Variants in RAPGEF1 observed in about 807,000 individuals in gnomAD.
The protein encoded by RAPGEF1 is CRK SH3-binding GNRP.
A neutral mutation model predicts 143.3 loss-of-function variants in RAPGEF1; 33 were observed. The ratio of observed to expected loss-of-function variants is 0.23; its 90% CI spans 0.17 to 0.31. The LOEUF is 0.31. RAPGEF1 is among the 10% of genes least tolerant of loss of function. RAPGEF1 has a pLI of 1.00. For synonymous variants in RAPGEF1, 629 were observed against 676.5 expected (o/e 0.93, Z 1.09); for missense variants, 1,199 against 1,645.4 (o/e 0.73, Z 4.69).
intron 1 of RAPGEF1, among the ~76,000 whole-genome samples, chr9:131,698,861 C>A (rs946218214): frequency 1.3e-5 from 2 of 152,208 alleles, no homozygotes; most frequent in Non-Finnish European, 2.9e-5. Context: ...AGCAGCCCAG[C>A]CTGAACTGCC....
intron 1 of RAPGEF1, among the ~76,000 whole-genome samples, chr9:131,701,998 C>T (rs17148209): frequency 0.056 from 8,505 of 152,158 alleles, 703 homozygotes; most frequent in African/African-American, 0.18. Flanking sequence ...TGGCCTTGTC[C>T]GTTCTATTCA....
chr9:131,720,463 C>A (rs1305522794), intron 1 of RAPGEF1, among the ~76,000 whole-genome samples: 1 of 152,204 alleles, frequency 6.6e-6, no homozygotes, highest in Non-Finnish European at 1.5e-5. Context: ...TAGAGATGCT[C>A]ATTCTCAGCC....
chr9:131,645,862 C>T (rs1358225449), intron 3 of RAPGEF1, among the ~76,000 whole-genome samples: 2 of 152,178 alleles, frequency 1.3e-5, no homozygotes, highest in African/African-American at 4.8e-5. Flanking sequence ...GAGACAAAGC[C>T]AACTGCTGGG....
intron 1 of RAPGEF1, among the ~76,000 whole-genome samples, chr9:131,652,003 A>G (rs1481990838): frequency 2.6e-5 from 4 of 152,198 alleles, no homozygotes; most frequent in Admixed American, 2.6e-4. Flanking sequence ...AATGGTATAA[A>G]AGATTAAAAA....
At chr9:131,665,072 T>C (rs904606736) in intron 1 of RAPGEF1, among the ~76,000 whole-genome samples, 2 of 152,146 alleles carry the variant, frequency 1.3e-5, no homozygotes, top group African/African-American at 4.8e-5. Flanking sequence ...ATACACAGTA[T>C]AGGAAGCTAG....
At chr9:131,673,371 C>A (rs1009954163) in intron 1 of RAPGEF1, among the ~76,000 whole-genome samples, 3 of 152,202 alleles carry the variant, frequency 2.0e-5, no homozygotes, top group Non-Finnish European at 4.4e-5. Context: ...TGCCACCTGG[C>A]CTGCTAGGAG....
Position 131,628,087 on chromosome 9 carries a change from C to T in RAPGEF1, c.1027G>A (p.Val343Ile). ...PVGINRQDFD[V>I]DCYAQRRLSG... ...AGTCGCCTCTGTGCGTAACAGTCAA[C>T]ATCAAAATCCTCAAGTGGAAAAAGA... Residue 343 changes from valine (V) to isoleucine (I), a missense_variant, in exon 9 of 27, where the codon GTT (valine) becomes ATT (isoleucine). Around this residue, in one of 6 missense-constraint regions of RAPGEF1, gnomAD observed 613 missense variants for 710.9 expected, o/e 0.86. Transcript: ENST00000683357. The surrounding 1 kb of genome is among the most constrained non-coding windows in gnomAD (Gnocchi z 5.7). The T allele has an allele frequency of 1.3e-6, 2 of 1,547,634 alleles. No homozygotes were observed. The highest frequency in any genetic ancestry group is 2.4e-5 in the East Asian group (1 of 42,494).
chr9:131,726,043 G>A (rs1248411339), intron 1 of RAPGEF1, among the ~76,000 whole-genome samples: 1 of 152,022 alleles, frequency 6.6e-6, no homozygotes, highest in African/African-American at 2.4e-5. Flanking sequence ...ACAGGTGTGA[G>A]CCACTGCACC....
chr9:131,618,948 CA>C (rs1448330610), intron 12 of RAPGEF1, 102 bp downstream of exon 12: 1 of 1,055,732 alleles, frequency 9.5e-7, no homozygotes, highest in Non-Finnish European at 1.3e-6. Context: ...CGCAGAAGGG[CA>C]GGGGCCGCGA....
At position 131,676,969 on chromosome 9, in the gene RAPGEF1, G is replaced by T. The variant is rs141831301; in HGVS notation, c.62-26020C>A. Among the ~76,000 whole-genome samples, 9 of 152,360 alleles carry T rather than the reference G, an allele frequency of 5.9e-5. 1 individual carries two copies. Among genetic ancestry groups the T allele is most frequent in the African/African-American group, 2.2e-4 (9 of 41,580 alleles). On this transcript the variant is annotated intron_variant, in intron 1 of 26. Coordinates refer to ENST00000683357, the MANE Select transcript of RAPGEF1 (RefSeq NM_001377935.1). ...CAATCTGTTTTAACAAGCTCTCCAG[G>T]TGATTCTGATACACAGTAAGTTGGA...
intron 18 of RAPGEF1, among the ~76,000 whole-genome samples, chr9:131,590,826 G>T (rs557489037): frequency 9.2e-5 from 14 of 152,356 alleles, no homozygotes; most frequent in African/African-American, 3.4e-4. Context: ...CTGAGAGCCT[G>T]GGCGCAGGCA....
chr9:131,709,495 G>A, intron 1 of RAPGEF1: 1 of 764,864 alleles, frequency 1.3e-6, no homozygotes, highest in Non-Finnish European at 2.1e-6. Flanking sequence ...AATCATGTTG[G>A]ACTACCTGTG....
chr9:131,593,463 A>G (rs147026165), intron 17 of RAPGEF1, among the ~76,000 whole-genome samples: 14 of 152,290 alleles, frequency 9.2e-5, no homozygotes, highest in African/African-American at 1.2e-4. Flanking sequence ...TGTGCTTCTC[A>G]CTGTGAGGCT....
rs1835382036 is a variant in RAPGEF1 at position 131,709,863 on chromosome 9, T to C, written c.61+29907A>G. 2.1e-6 allele frequency: 3 copies of C among 1,423,604 alleles called. No homozygotes were observed. The South Asian group carries it at 4.6e-5, about 22-fold the overall frequency. 88.2% of individuals were successfully genotyped at this position (1,423,604 alleles called of 1,614,324 possible). On this transcript the variant is annotated intron_variant, in intron 1 of 26. Transcript: ENST00000683357. The stretch of plus-strand genomic sequence containing the variant: ...ATCTCATTCTCAAGTCTTTGCCTTC[T>C]GCCTTTCAAAATCCCTTTGGCCCCA...
Position 131,655,973 on chromosome 9 carries a change from T to C in RAPGEF1, c.62-5024A>G, listed in dbSNP as rs565245788. Among the ~76,000 whole-genome samples the C allele has an allele frequency of 5.5e-4, 84 of 152,340 alleles. No individual in the cohort carries two copies. The highest frequency in any genetic ancestry group is 2.0e-3 in the African/African-American group (82 of 41,570). On this transcript the variant is annotated intron_variant, in intron 1 of 26. Coordinates refer to ENST00000683357, the MANE Select transcript of RAPGEF1 (RefSeq NM_001377935.1). The surrounding 1 kb of genome is among the most constrained non-coding windows in gnomAD (Gnocchi z 4.1). ...ATATCATCTCTCTAAATCTTTCCCT[T>C]ATTTTGTCTGGAAAATGAGTGAGAT... is the stretch of plus-strand genomic sequence containing the variant.
rs757061283 is a variant in RAPGEF1, at chr9:131,588,950, C to G, written c.2904G>C (p.Leu968=). Residue 968 remains leucine (L), a synonymous_variant, in exon 20 of 27, where the codon CTG becomes CTC. Transcript: ENST00000683357. ...ACACCAGGCGGAAGACCAGTTCCAT[C>G]AGCAGCTTCAGGATCTCTTCTGTCA... is the stretch of plus-strand genomic sequence containing the variant. The part of the protein sequence containing the change: ...VELTEEILKL[L]MELVFRLVCN... The G allele has an allele frequency of 1.2e-6, 2 of 1,613,906 alleles. No homozygotes were observed. Among genetic ancestry groups the G allele is most frequent in the East Asian group, 4.5e-5 (2 of 44,878 alleles).
chr9:131,590,080 T>G, intron 18 of RAPGEF1, 102 bp from the exon 19 acceptor site: 5 of 1,013,336 alleles, frequency 4.9e-6, no homozygotes, highest in Non-Finnish European at 7.7e-6. Flanking sequence ...AATGTGCCCA[T>G]CTTCCTGCAT....
At chr9:131,633,934 A>G (rs1388862338) in intron 5 of RAPGEF1, among the ~76,000 whole-genome samples, 2 of 152,260 alleles carry the variant, frequency 1.3e-5, no homozygotes, top group African/African-American at 4.8e-5. Flanking sequence ...GAGGGATGTC[A>G]GACTTTTTAA....
At chr9:131,679,032 G>A (rs191234559) in intron 1 of RAPGEF1, among the ~76,000 whole-genome samples, 95 of 152,232 alleles carry the variant, frequency 6.2e-4, no homozygotes, top group African/African-American at 2.2e-3. Context: ...TCCTCAGCCC[G>A]GAGAAGCAAA....
Sources: gnomAD v4.1 joint callset for allele counts (sites outside exome capture counted in the v4.1 genomes callset) on GRCh38, gnomAD v4.1.1 for gene constraint, gnomAD v4.1.1 regional missense constraint, Gnocchi (gnomAD v3.1) non-coding constraint, MANE v1.5 for transcripts, NCBI Gene and HGNC (gene_info 2026-07-23, HGNC 2026-07-21) for gene names.